NARS2: variants seen among roughly 807,000 people sequenced by gnomAD.
The protein encoded by NARS2 is asparaginyl-tRNA synthetase.
NARS2 carries 60 observed loss-of-function variants against 62.9 expected under a neutral mutation model. The observed-to-expected ratio is 0.95, with a 90% confidence interval of 0.77 to 1.18. The LOEUF is 1.18. NARS2 is among the 50% of genes most tolerant of loss of function. The probability of loss-of-function intolerance (pLI) is 0.00; values close to 1 mark genes in which losing one functional copy is unlikely to be tolerated. For synonymous variants in NARS2, 196 were observed against 200.0 expected (o/e 0.98, Z 0.17); for missense variants, 619 against 576.4 (o/e 1.07, Z -0.76).
chr11:78,558,663 A>G (rs1418421781), intron 5 of NARS2: 1 of 152,228 alleles, frequency 6.6e-6, no homozygotes, highest in African/African-American at 2.4e-5. Flanking sequence ...AGAAAAACTG[A>G]TAACTTAAAA....
At chr11:78,518,299 G>A (rs1016431535) in intron 6 of NARS2, among the ~76,000 whole-genome samples, 2 of 152,112 alleles carry the variant, frequency 1.3e-5, no homozygotes, top group Non-Finnish European at 2.9e-5. Flanking sequence ...AGGGATCCTG[G>A]AACCAGTCCC....
chr11:78,508,107 C>T (rs910367401), intron 6 of NARS2, among the ~76,000 whole-genome samples: 1 of 151,954 alleles, frequency 6.6e-6, no homozygotes, highest in Non-Finnish European at 1.5e-5. Context: ...GAAAATTTCA[C>T]TAGAAAACCT....
intron 9 of NARS2, among the ~76,000 whole-genome samples, chr11:78,475,279 T>C (rs545837044): frequency 1.3e-5 from 2 of 152,316 alleles, no homozygotes; most frequent in African/African-American, 4.8e-5. Context: ...TGTGTATATA[T>C]ATACACATTT....
At chr11:78,478,562 G>A (rs961475049) in intron 8 of NARS2, 23 bp downstream of exon 8, 1 of 1,477,904 alleles carries the variant, frequency 6.8e-7, no homozygotes, top group Non-Finnish European at 9.4e-7. Flanking sequence ...GATGTATTGG[G>A]CTTTATCCAT....
chr11:78,482,531 A>G (rs2135281262), intron 7 of NARS2, among the ~76,000 whole-genome samples: 1 of 152,336 alleles, frequency 6.6e-6, no homozygotes, highest in African/African-American at 2.4e-5. Flanking sequence ...GAAGAATCAA[A>G]TAGACACAAT....
chr11:78,543,496 C>T (rs1322142644), intron 5 of NARS2, among the ~76,000 whole-genome samples: 1 of 152,124 alleles, frequency 6.6e-6, no homozygotes, highest in Non-Finnish European at 1.5e-5. Flanking sequence ...AGACTAGCAA[C>T]ATGAAAGTTC....
At chr11:78,519,775 A>G (rs1384645630) in intron 6 of NARS2, among the ~76,000 whole-genome samples, 2 of 150,800 alleles carry the variant, frequency 1.3e-5, no homozygotes, top group African/African-American at 2.5e-5. Flanking sequence ...ATCTCAGCTC[A>G]CTGCAACCTC....
At chr11:78,539,851 G>A (rs1450464462) in intron 5 of NARS2, among the ~76,000 whole-genome samples, 2 of 152,078 alleles carry the variant, frequency 1.3e-5, no homozygotes, top group South Asian at 2.1e-4. Context: ...CTCTGTTAAG[G>A]CATTCATATA....
chr11:78,436,353 T>A lies in NARS2; in HGVS notation c.*317A>T, dbSNP rs936665750. 2 of 228,656 alleles carry A rather than the reference T, an allele frequency of 8.7e-6. No homozygotes were observed. Among genetic ancestry groups the A allele is most frequent in the Admixed American group, 1.0e-4 (2 of 19,262 alleles). 14.2% of individuals were successfully genotyped at this position (228,656 alleles called of 1,614,324 possible). A position where few individuals can be genotyped will look rare whatever the true frequency, so the allele number is the denominator to read the frequency against. On this transcript the variant is annotated 3_prime_UTR_variant, in exon 14 of 14. Transcript: ENST00000281038. ...TTTAATGATTATAGACAACGTAAAA[T>A]ACATTATCTCATTCTGTTTTAGAGT...
intron 5 of NARS2, among the ~76,000 whole-genome samples, chr11:78,548,363 A>C (rs1481017262): frequency 2.0e-5 from 3 of 150,758 alleles, no homozygotes; most frequent in Non-Finnish European, 2.9e-5. Flanking sequence ...AAAACGTTTA[A>C]AAGAAAATAG....
chr11:78,520,192 C>T (rs900667448), intron 6 of NARS2, among the ~76,000 whole-genome samples: 1 of 152,168 alleles, frequency 6.6e-6, no homozygotes, highest in Non-Finnish European at 1.5e-5. Context: ...AGCTGTGAGG[C>T]TACAAATCTG....
chr11:78,523,928 A>G (rs918486864), intron 6 of NARS2, among the ~76,000 whole-genome samples: 1 of 152,168 alleles, frequency 6.6e-6, no homozygotes, highest in African/African-American at 2.4e-5. Flanking sequence ...TGATACTTGA[A>G]TATCTTCAAA....
Position 78,571,322 on chromosome 11 carries a change from A to T in NARS2, c.251+13T>A, listed in dbSNP as rs1336693980. 6.3e-7 allele frequency: 1 copy of T among 1,581,840 alleles called. No individual in the cohort carries two copies. Among genetic ancestry groups the T allele is most frequent in the Non-Finnish European group, 8.7e-7 (1 of 1,151,288 alleles). Reference sequence around the variant, plus strand: ...ACAAAAATCAAAGAATTCTTTTAAAAAACAAAACTCACCTACTGTCAAGGC... The same window carrying T: ...ACAAAAATCAAAGAATTCTTTTAAATAACAAAACTCACCTACTGTCAAGGC... On this transcript the variant is annotated intron_variant, in intron 2 of 13. Coordinates refer to ENST00000281038, the MANE Select transcript of NARS2 (RefSeq NM_024678.6).
intron 9 of NARS2, among the ~76,000 whole-genome samples, chr11:78,475,580 C>CA (rs1859056401): frequency 1.1e-5 from 1 of 93,974 alleles, no homozygotes; most frequent in Non-Finnish European, 2.1e-5. Flanking sequence ...TATCATTTGA[C>CA]TTTTTTTTTT....
intron 7 of NARS2, among the ~76,000 whole-genome samples, chr11:78,480,901 C>T (rs1009374131): frequency 3.3e-5 from 5 of 151,824 alleles, no homozygotes; most frequent in Non-Finnish European, 5.9e-5. Flanking sequence ...CCACTGCAGC[C>T]GCCATCTCCC....
Position 78,574,462 on chromosome 11 carries a change from C to A in NARS2, c.27G>T (p.Arg9=), listed in dbSNP as rs764335283. The change falls in exon 1 of 14, where the codon CGG becomes CGT. Residue 9 remains arginine (R), a synonymous_variant. Transcript: ENST00000281038. MLGVRCLL[R]SVRFCSSAPF... ...GGGCGGAGGAACAGAAGCGCACGGA[C>A]CGCAGCAGGCAGCGGACCCCCAGCA... 2 of 1,613,522 alleles carry A rather than the reference C, an allele frequency of 1.2e-6. No homozygotes were observed. The highest frequency in any genetic ancestry group is 1.1e-5 in the South Asian group (1 of 91,076).
intron 13 of NARS2, among the ~76,000 whole-genome samples, chr11:78,439,712 C>T (rs1857517656): frequency 6.6e-6 from 1 of 152,124 alleles, no homozygotes; most frequent in Non-Finnish European, 1.5e-5. Flanking sequence ...AACCTATCTC[C>T]TTCCATACCA....
intron 11 of NARS2, among the ~76,000 whole-genome samples, chr11:78,454,144 C>T (rs992571309): frequency 1.3e-5 from 2 of 152,198 alleles, no homozygotes; most frequent in South Asian, 2.1e-4. Context: ...TTTCAGTAAA[C>T]GGCACCACTC....
Position 78,522,119 on chromosome 11 carries a change from A to ATTTT in NARS2, c.689+6719_689+6722dup, listed in dbSNP as rs59159824. Among the ~76,000 whole-genome samples, 1,178 of 134,914 alleles carry ATTTT rather than the reference A, an allele frequency of 8.7e-3. 23 individuals carry two copies. The highest frequency in any genetic ancestry group is 0.031 in the African/African-American group (1,116 of 36,588). The allele number at this position is 134,914 out of a possible 152,430, so 88.5% of individuals were successfully genotyped here. On this transcript the variant is annotated intron_variant, in intron 6 of 13. Transcript: ENST00000281038. Reference sequence around the variant, plus strand: ...TGGTATGTGCCACTACATCCAGCTAATTTTTTTTTTTTTTTTTTTGGTAGA... The same window carrying ATTTT: ...TGGTATGTGCCACTACATCCAGCTAATTTTTTTTTTTTTTTTTTTTTTTGGTAGA...
Sources: allele counts gnomAD v4.1 joint callset (sites outside exome capture counted in the v4.1 genomes callset), GRCh38; gene constraint gnomAD v4.1.1; transcripts MANE v1.5; gene names NCBI Gene and HGNC (gene_info 2026-07-23, HGNC 2026-07-21).